The following KALRN variants were observed in gnomAD, a reference collection of about 807,000 sequenced individuals.
The protein encoded by KALRN is kalirin RhoGEF kinase, also known as kalirin.
In KALRN, 70 loss-of-function variants were observed where a neutral mutation model predicts 353.7. That is an observed-to-expected ratio of 0.20 (90% CI 0.16 to 0.24). KALRN has a LOEUF of 0.24. Among genes scored for constraint, KALRN ranks in the 10% least tolerant of loss-of-function variants. The pLI, the probability that KALRN is intolerant of heterozygous loss-of-function variation, is 1.00. For synonymous variants in KALRN, 1,391 were observed against 1,434.8 expected, an observed-to-expected ratio of 0.97 and a Z score of 0.69; for missense variants, 2,791 against 3,756.7, an observed-to-expected ratio of 0.74 and a Z score of 6.72.
At chr3:124,286,064 TTC>T (rs1334250467) in intron 5 of KALRN, among the ~76,000 whole-genome samples, 8 of 109,750 alleles carry the variant, frequency 7.3e-5, no homozygotes, top group Non-Finnish European at 9.9e-5. Context: ...GTGTGCTGTT[TTC>T]TTTCTTTCTT....
At chr3:124,156,007 G>A (rs2068929860) in intron 1 of KALRN, among the ~76,000 whole-genome samples, 1 of 152,194 alleles carries the variant, frequency 6.6e-6, no homozygotes, top group South Asian at 2.1e-4. Flanking sequence ...TCCTTAGATA[G>A]ATGGACACCC....
chr3:124,451,365 A>G (rs2058761628), intron 21 of KALRN, among the ~76,000 whole-genome samples: 1 of 152,166 alleles, frequency 6.6e-6, no homozygotes, highest in South Asian at 2.1e-4. Flanking sequence ...AGATAACTAG[A>G]ATTCAAAATG....
intron 1 of KALRN, among the ~76,000 whole-genome samples, chr3:124,104,075 G>A (rs888059971): frequency 6.6e-6 from 1 of 152,188 alleles, no homozygotes; most frequent in Non-Finnish European, 1.5e-5. Context: ...TCATGGTTCT[G>A]TGTGGACAAT....
rs538702735 is a variant in KALRN at position 124,678,433 on chromosome 3, G to C, written c.7317+120G>C. The C allele has an allele frequency of 1.1e-4, 119 of 1,085,806 alleles. 3 individuals are homozygous for C. In the South Asian group the frequency reaches 1.6e-3, roughly 15 times the overall value. 67.3% of individuals were successfully genotyped at this position (1,085,806 alleles called of 1,614,324 possible). ...TTTTTTTCCCAGTATGGGTACCAGA[G>C]GGGAAGTAGTTTAGCAGGATTTTGC... On this transcript the variant is annotated intron_variant, in intron 50 of 59. Coordinates refer to ENST00000682506, the MANE Select transcript of KALRN (RefSeq NM_001388419.1).
chr3:124,307,770 A>G (rs1181759752), intron 6 of KALRN, among the ~76,000 whole-genome samples: 2 of 152,064 alleles, frequency 1.3e-5, no homozygotes, highest in African/African-American at 4.8e-5. Context: ...AACTCTATTA[A>G]TAATGACATT....
intron 33 of KALRN, among the ~76,000 whole-genome samples, chr3:124,549,117 A>T (rs911888823): frequency 2.6e-5 from 4 of 152,150 alleles, no homozygotes; most frequent in African/African-American, 7.2e-5. Flanking sequence ...AACACAGCTA[A>T]CAGCTAGTCA....
chr3:124,566,608 G>T (rs1464653639), intron 34 of KALRN, among the ~76,000 whole-genome samples: 1 of 152,058 alleles, frequency 6.6e-6, no homozygotes, highest in East Asian at 1.9e-4. Context: ...ACATAGCCCA[G>T]CCTCAAAACC....
In KALRN at chr3:124,422,973, A is replaced by G; in HGVS notation, c.2704A>G (p.Lys902Glu). The change falls in exon 15 of 60, where the codon AAA becomes GAA. Residue 902 changes from lysine (K) to glutamate (E), a missense_variant. Coordinates refer to ENST00000682506, the MANE Select transcript of KALRN (RefSeq NM_001388419.1). ...ATTACGTCACCTCCAGGCTGAAGTC[A>G]AACAGGTAAGCCCAGCCCTTCTTCC... is the stretch of plus-strand genomic sequence containing the variant. Reference protein sequence around the residue: ...LQLRHLQAEVKQVLGWIRNGE... With the variant: ...LQLRHLQAEVEQVLGWIRNGE... 17 of 1,613,566 alleles carry G rather than the reference A, an allele frequency of 1.1e-5. No individual in the cohort carries two copies. The highest frequency in any genetic ancestry group is 1.4e-5 in the Non-Finnish European group (17 of 1,179,618).
chr3:124,235,040 G>T (rs1364664515), intron 3 of KALRN, 97 bp downstream of exon 3: 3 of 793,238 alleles, frequency 3.8e-6, no homozygotes, highest in African/African-American at 3.4e-5. Context: ...GACCCTAGTG[G>T]TTTCTGCTCT....
rs897269132 is a variant in KALRN, at chr3:124,474,823, A to C, written c.4101+91A>C. 5.0e-6 allele frequency: 5 copies of C among 1,004,732 alleles called. No individual in the cohort carries two copies. The African/African-American group carries it at 6.3e-5, about 13-fold the overall frequency. 62.2% of individuals were successfully genotyped at this position (1,004,732 alleles called of 1,614,324 possible). Reference sequence around the variant, plus strand: ...AAGGACTGGAGTCATTGCCAGTCTCACACAAGACCAGGGGCTACTGAGAGG... The same window carrying C: ...AAGGACTGGAGTCATTGCCAGTCTCCCACAAGACCAGGGGCTACTGAGAGG... On this transcript the variant is annotated intron_variant, in intron 26 of 59. Coordinates refer to ENST00000682506, the MANE Select transcript of KALRN (RefSeq NM_001388419.1).
At chr3:124,477,612 A>G (rs892072008) in intron 27 of KALRN, among the ~76,000 whole-genome samples, 1 of 152,240 alleles carries the variant, frequency 6.6e-6, no homozygotes. Context: ...GAGGAGGGCC[A>G]CTATGATGCA....
chr3:124,253,299 C>A (rs1012886265), intron 3 of KALRN, among the ~76,000 whole-genome samples: 6 of 152,200 alleles, frequency 3.9e-5, no homozygotes, highest in Non-Finnish European at 7.3e-5. Flanking sequence ...ACTCCAGGAA[C>A]CTTTCTTTCT....
At chr3:124,718,838 G>C in intron 59 of KALRN, 87 bp from the exon 60 acceptor site, 1 of 1,222,924 alleles carries the variant, frequency 8.2e-7, no homozygotes, top group East Asian at 2.3e-5. Flanking sequence ...TAGCATAACT[G>C]TGTTTGAATT....
chr3:124,325,483 A>G (rs1371646393), intron 6 of KALRN, among the ~76,000 whole-genome samples: 1 of 152,146 alleles, frequency 6.6e-6, no homozygotes, highest in Non-Finnish European at 1.5e-5. Context: ...AAGATGTGGA[A>G]TTACTGTGTC....
At chr3:124,529,116 A>G (rs2067831469) in intron 33 of KALRN, among the ~76,000 whole-genome samples, 1 of 152,176 alleles carries the variant, frequency 6.6e-6, no homozygotes, top group Non-Finnish European at 1.5e-5. Context: ...CCAAACTGGT[A>G]ATTGCCACAG....
chr3:124,463,157 C>A (rs1383716645), intron 25 of KALRN, among the ~76,000 whole-genome samples: 1 of 152,184 alleles, frequency 6.6e-6, no homozygotes, highest in East Asian at 1.9e-4. Flanking sequence ...GTCATTGTTT[C>A]CAACTTGATT....
rs534219819 is a variant in KALRN at position 124,217,094 on chromosome 3, C to T, written c.74-10896C>T. Among the ~76,000 whole-genome samples, 13 of 152,200 alleles carry T rather than the reference C, an allele frequency of 8.5e-5. No homozygotes were observed. The South Asian group carries it at 1.0e-3, about 12-fold the overall frequency. On this transcript the variant is annotated intron_variant, in intron 1 of 59. Transcript: ENST00000682506. ...CTTTTGGATTATCTGAATATTTGTC[C>T]CCCATGTGTACCTCTATATTATATT...
intron 1 of KALRN, chr3:124,094,539 G>T (rs2061311092): frequency 6.7e-6 from 3 of 446,920 alleles, no homozygotes; most frequent in South Asian, 2.5e-5. Context: ...CAAACCTCGC[G>T]TCTTTGCGAA....
intron 34 of KALRN, among the ~76,000 whole-genome samples, chr3:124,572,046 G>A (rs2073569549): frequency 1.3e-5 from 2 of 151,696 alleles, no homozygotes; most frequent in South Asian, 4.2e-4. Context: ...GTTGAGACTG[G>A]GTGCAGTGGC....
Sources: allele counts gnomAD v4.1 joint callset (sites outside exome capture counted in the v4.1 genomes callset), GRCh38; gene constraint gnomAD v4.1.1; transcripts MANE v1.5; gene names NCBI Gene and HGNC (gene_info 2026-07-23, HGNC 2026-07-21).